Variants in C4orf50 observed in about 807,000 individuals in gnomAD.
C4orf50 encodes uncharacterized protein C4orf50.
In C4orf50, 80 loss-of-function variants were observed where a neutral mutation model predicts 77.2. The observed-to-expected ratio is 1.04, with a 90% CI of 0.87 to 1.25. C4orf50 has a LOEUF of 1.25. Among genes scored for constraint, C4orf50 ranks in the 50% most tolerant of loss-of-function variants. The probability of loss-of-function intolerance (pLI) is 0.00; values close to 1 mark genes in which losing one functional copy is unlikely to be tolerated. For missense variants in C4orf50, 1,257 were observed against 1,152.9 expected (o/e 1.09, Z -1.31); for synonymous variants, 532 against 465.3 (o/e 1.14, Z -1.84).
intron 29 of C4orf50, among the ~76,000 whole-genome samples, 185 bp from the exon 8 acceptor site, chr4:5,976,140 T>C (rs1428733212): frequency 6.6e-6 from 1 of 152,092 alleles, no homozygotes; most frequent in African/African-American, 2.4e-5. Flanking sequence ...AGGACAGATA[T>C]TCTGAATACT....
At chr4:5,961,300 G>A (rs913735915) in intron 33 of C4orf50, among the ~76,000 whole-genome samples, 4 of 152,284 alleles carry the variant, frequency 2.6e-5, no homozygotes, top group Admixed American at 2.6e-4. Flanking sequence ...GGGCAACAGA[G>A]GGAGACTCCA....
At chr4:5,941,245 T>C (rs734760) in intron 7 of C4orf50, among the ~76,000 whole-genome samples, 36,335 of 152,202 alleles carry the variant, frequency 0.24, 5,492 homozygotes, top group African/African-American at 0.43. Context: ...GCTCTTGTCA[T>C]TCTGACAACA....
chr4:5,994,985 A>G (rs1468105776), intron 25 of C4orf50, among the ~76,000 whole-genome samples: 1 of 152,168 alleles, frequency 6.6e-6, no homozygotes, highest in Non-Finnish European at 1.5e-5. Flanking sequence ...ATGAAAATCT[A>G]ACTAATGCCT....
chr4:5,932,985 C>T lies in C4orf50; in HGVS notation c.*2474+23916G>A, dbSNP rs1444755301. On this transcript the variant is annotated intron_variant, in intron 7 of 7. Coordinates refer to the C4orf50 transcript ENST00000324058. This position sits in a 1 kb window ranked among gnomAD's most constrained non-coding sequence, Gnocchi z 4.2. ...TTAATATTAAAGACCGTCATTTTCT[C>T]TCTGCCTTATAATTTTTGTAAACAA... Among the ~76,000 whole-genome samples, 1 of 152,182 alleles carries T rather than the reference C, an allele frequency of 6.6e-6. No homozygotes were observed. The highest frequency in any genetic ancestry group is 1.9e-4 in the East Asian group (1 of 5,196).
chr4:5,973,985 C>T (rs924957016), intron 30 of C4orf50, 144 bp from the exon 9 acceptor site: 41 of 663,204 alleles, frequency 6.2e-5, no homozygotes, highest in Admixed American at 1.5e-4. Context: ...CTCCTCCCTG[C>T]GAAGCCTCCC....
chr4:5,919,279 T>C lies in C4orf50; in HGVS notation c.*2475-21091A>G, dbSNP rs1219570347. Among the ~76,000 whole-genome samples, 1 of 152,184 alleles carries C rather than the reference T, an allele frequency of 6.6e-6. No homozygotes were observed. Among genetic ancestry groups the C allele is most frequent in the Non-Finnish European group, 1.5e-5 (1 of 68,030 alleles). On this transcript the variant is annotated intron_variant, in intron 7 of 7. Transcript: ENST00000324058. The surrounding 1 kb of genome is among the most constrained non-coding windows in gnomAD (Gnocchi z 6.5). ...CAGGCTTGAGGGTTGGCAGACCCAA[T>C]GCCCGATTTCCATGGCTACCACAGC...
At chr4:5,988,392 A>G in exon 28 of C4orf50, 1 of 1,613,930 alleles carries the variant, frequency 6.2e-7, no homozygotes, top group Non-Finnish European at 8.5e-7. Context: ...CCTGAGCCAC[A>G]GAACACCTGG....
At chr4:5,980,338 G>A in exon 29 of C4orf50, 1 of 1,609,106 alleles carries the variant, frequency 6.2e-7, no homozygotes, top group South Asian at 1.1e-5. Flanking sequence ...GAGTCCCGGA[G>A]CTGCGGAAAT....
intron 30 of C4orf50, 74 bp from the exon 9 acceptor site, chr4:5,973,915 G>A (rs1258495563): frequency 2.4e-6 from 3 of 1,272,964 alleles, no homozygotes; most frequent in Admixed American, 2.3e-5. Flanking sequence ...CTGGGGGCCG[G>A]AGGGTCAGCT....
At chr4:5,984,148 A>T (rs1490195512) in intron 28 of C4orf50, among the ~76,000 whole-genome samples, 1 of 152,240 alleles carries the variant, frequency 6.6e-6, no homozygotes, top group Non-Finnish European at 1.5e-5. Flanking sequence ...GGCAAAACTT[A>T]AATAGGCCTA....
chr4:5,973,765 C>T, exon 31 of C4orf50: 1 of 1,613,906 alleles, frequency 6.2e-7, no homozygotes, highest in East Asian at 2.2e-5. Context: ...CAGCCCATGT[C>T]TGTGCAGCTC....
intron 28 of C4orf50, among the ~76,000 whole-genome samples, chr4:5,988,055 G>A (rs1280497852): frequency 6.6e-6 from 1 of 151,006 alleles, no homozygotes; most frequent in Non-Finnish European, 1.5e-5. Flanking sequence ...CCCCGTGGGT[G>A]CCCTGCTGGA....
intron 7 of C4orf50, among the ~76,000 whole-genome samples, chr4:5,941,717 T>C (rs1214701405): frequency 6.6e-6 from 1 of 152,104 alleles, no homozygotes; most frequent in Non-Finnish European, 1.5e-5. Context: ...CCTATTTTCC[T>C]CACTGCAGCC....
At chr4:5,912,121 G>A (rs766780259) in intron 7 of C4orf50, among the ~76,000 whole-genome samples, 66 of 152,052 alleles carry the variant, frequency 4.3e-4, no homozygotes, top group Non-Finnish European at 7.9e-4. Flanking sequence ...CCTGATTTTC[G>A]GCATTTTTTA....
At chr4:5,930,911 G>T (rs367944879) in intron 7 of C4orf50, among the ~76,000 whole-genome samples, 24 of 152,336 alleles carry the variant, frequency 1.6e-4, no homozygotes, top group African/African-American at 5.5e-4. Flanking sequence ...GGGAAGCGGA[G>T]AGGCAAAGGG....
chr4:5,960,768 G>A (rs1040059697), intron 33 of C4orf50, among the ~76,000 whole-genome samples: 1 of 152,226 alleles, frequency 6.6e-6, no homozygotes, highest in African/African-American at 2.4e-5. Context: ...GGCTTTTGGG[G>A]AGGAGCAGGG....
Position 6,015,589 on chromosome 4 carries a change from C to T in C4orf50, c.287+2556G>A, listed in dbSNP as rs931871995. Among the ~76,000 whole-genome samples, 2 of 152,116 alleles carry T rather than the reference C, an allele frequency of 1.3e-5. No homozygotes were observed. The highest frequency in any genetic ancestry group is 2.9e-5 in the Non-Finnish European group (2 of 68,026). Reference sequence around the variant, plus strand: ...CCCATTCTCCCCATGTCTGTGTGGGCTTTCTCGGGGTACCCTGGTCTCCTC... The same window carrying T: ...CCCATTCTCCCCATGTCTGTGTGGGTTTTCTCGGGGTACCCTGGTCTCCTC... On this transcript the variant is annotated intron_variant, in intron 23 of 33. Transcript: ENST00000531445. The surrounding 1 kb of genome is among the most constrained non-coding windows in gnomAD (Gnocchi z 4.4).
At chr4:6,003,600 GTGATGGTGA>G (rs72317209) in intron 25 of C4orf50, among the ~76,000 whole-genome samples, 50,378 of 142,808 alleles carry the variant, frequency 0.35, 9,951 homozygotes, top group East Asian at 0.82. Flanking sequence ...GTTGATGGTG[GTGATGGTGA>G]TGATGGTGAT....
chr4:5,988,190 TTC>T (rs1720984621), intron 28 of C4orf50, among the ~76,000 whole-genome samples, 155 bp downstream of exon 6: 1 of 152,184 alleles, frequency 6.6e-6, no homozygotes, highest in African/African-American at 2.4e-5. Flanking sequence ...GTGACTGCAT[TTC>T]TCTGTTTTCT....
Sources: allele counts gnomAD v4.1 joint callset (sites outside exome capture counted in the v4.1 genomes callset), GRCh38; gene constraint gnomAD v4.1.1; non-coding constraint Gnocchi (gnomAD v3.1); transcripts MANE v1.5; gene names NCBI Gene and HGNC (gene_info 2026-07-23, HGNC 2026-07-21).